Variants in PKIB observed in about 807,000 individuals in gnomAD.
The protein encoded by PKIB is PKI-beta.
A neutral mutation model predicts 4.5 loss-of-function variants in PKIB; 2 were observed. The observed-to-expected ratio is 0.44, with a 90% CI of 0.18 to 1.39. The LOEUF is 1.39. Ranked by LOEUF, PKIB falls within the 40% of genes most tolerant of loss-of-function variation. The pLI is 0.27. For synonymous variants in PKIB, 38 were observed against 36.0 expected (o/e 1.06, Z -0.20); for missense variants, 94 against 92.6 (o/e 1.02, Z -0.06).
intron 3 of PKIB, among the ~76,000 whole-genome samples, chr6:122,587,527 T>G (rs1773887390): frequency 6.6e-6 from 1 of 152,224 alleles, no homozygotes; most frequent in African/African-American, 2.4e-5. Flanking sequence ...TTTATAATCC[T>G]TTGGGTATAT....
intron 2 of PKIB, among the ~76,000 whole-genome samples, chr6:122,532,285 A>C (rs962589444): frequency 6.6e-6 from 1 of 152,224 alleles, no homozygotes; most frequent in Non-Finnish European, 1.5e-5. Context: ...TCAGCAAATT[A>C]GTTCTCTATC....
chr6:122,656,375 G>T (rs1776776371), intron 2 of PKIB, among the ~76,000 whole-genome samples: 1 of 152,108 alleles, frequency 6.6e-6, no homozygotes, highest in Admixed American at 6.6e-5. Flanking sequence ...CAGTTGAAAA[G>T]AATCAGTTCA....
chr6:122,598,263 A>T (rs1218117864), intron 3 of PKIB, among the ~76,000 whole-genome samples: 1 of 152,166 alleles, frequency 6.6e-6, no homozygotes, highest in Non-Finnish European at 1.5e-5. Context: ...CTGTTTGTAA[A>T]ATTTAAGTAG....
intron 4 of PKIB, among the ~76,000 whole-genome samples, chr6:122,719,597 A>G (rs1384316618): frequency 1.3e-5 from 2 of 152,158 alleles, no homozygotes; most frequent in African/African-American, 4.8e-5. Context: ...AATTACAATT[A>G]GACAGGAGAA....
chr6:122,480,942 C>T (rs574118108), intron 2 of PKIB: 1 of 151,916 alleles, frequency 6.6e-6, no homozygotes, highest in African/African-American at 2.4e-5. Context: ...TTTTAAAAAA[C>T]TTAATGTAGA....
intron 2 of PKIB, among the ~76,000 whole-genome samples, chr6:122,504,228 T>A (rs1582662587): frequency 6.6e-6 from 1 of 152,224 alleles, no homozygotes; most frequent in Non-Finnish European, 1.5e-5. Flanking sequence ...ATAATCTGAA[T>A]TATTTCCTTA....
At chr6:122,637,245 C>T (rs1248202515) in intron 2 of PKIB, among the ~76,000 whole-genome samples, 1 of 152,070 alleles carries the variant, frequency 6.6e-6, no homozygotes, top group African/African-American at 2.4e-5. Flanking sequence ...TAGCATGAAC[C>T]TAATAAATGT....
intron 1 of PKIB, among the ~76,000 whole-genome samples, chr6:122,473,484 T>C (rs922483179): frequency 8.5e-5 from 13 of 152,208 alleles, no homozygotes; most frequent in African/African-American, 2.4e-4. Context: ...ACACTTGGCC[T>C]TGAAATACAT....
intron 2 of PKIB, among the ~76,000 whole-genome samples, chr6:122,664,562 C>G (rs982492130): frequency 6.6e-6 from 1 of 152,098 alleles, no homozygotes; most frequent in African/African-American, 2.4e-5. Context: ...CAGGTGTGTG[C>G]CACCATGTCC....
chr6:122,716,477 T>C (rs1032277908), intron 3 of PKIB, among the ~76,000 whole-genome samples: 14 of 152,270 alleles, frequency 9.2e-5, no homozygotes, highest in Middle Eastern at 3.4e-3. Flanking sequence ...TCTCAAAACA[T>C]AGCTCTGTTC....
At chr6:122,578,175 G>A (rs924674797) in intron 2 of PKIB, among the ~76,000 whole-genome samples, 2 of 152,130 alleles carry the variant, frequency 1.3e-5, no homozygotes, top group African/African-American at 2.4e-5. Flanking sequence ...TTAAATGTGA[G>A]TAAAATGAGG....
At chr6:122,648,566 T>G (rs529466901) in intron 2 of PKIB, among the ~76,000 whole-genome samples, 1 of 152,174 alleles carries the variant, frequency 6.6e-6, no homozygotes, top group East Asian at 1.9e-4. Flanking sequence ...TTTCTTTGCT[T>G]CATTTGCTGT....
At chr6:122,698,227 G>C (rs1286732401) in intron 3 of PKIB, among the ~76,000 whole-genome samples, 1 of 152,044 alleles carries the variant, frequency 6.6e-6, no homozygotes, top group African/African-American at 2.4e-5. Context: ...GATCCCAGGG[G>C]GCTCTCCAGG....
At position 122,717,678 on chromosome 6, in the gene PKIB, A is replaced by G. The variant is rs892332879; in HGVS notation, c.-8-109A>G. 2.4e-5 allele frequency: 25 copies of G among 1,021,618 alleles called. No individual in the cohort carries two copies. The African/African-American group carries it at 3.6e-4, about 15-fold the overall frequency. The allele number at this position is 1,021,618 out of a possible 1,614,324, so 63.3% of individuals were successfully genotyped here. A position where few individuals can be genotyped will look rare whatever the true frequency, so the allele number is the denominator to read the frequency against. ...TTGATGAAGGTTGTGATCAATGATT[A>G]GACTCTCAAGCCTGTTGTGTTTTTG... On this transcript the variant is annotated intron_variant, in intron 3 of 4. Coordinates refer to ENST00000368452, the MANE Select transcript of PKIB (RefSeq NM_181795.3).
chr6:122,524,673 A>G (rs1488154585), intron 2 of PKIB, among the ~76,000 whole-genome samples: 1 of 151,964 alleles, frequency 6.6e-6, no homozygotes, highest in African/African-American at 2.4e-5. Context: ...TGGCCTGTTC[A>G]GATTTTCTAT....
chr6:122,512,711 T>C (rs1383414099), intron 2 of PKIB, among the ~76,000 whole-genome samples: 1 of 152,178 alleles, frequency 6.6e-6, no homozygotes, highest in Non-Finnish European at 1.5e-5. Flanking sequence ...ACTGAGACTG[T>C]TGTTTTTCTT....
At chr6:122,562,175 C>A (rs191536475) in intron 2 of PKIB, among the ~76,000 whole-genome samples, 9 of 151,072 alleles carry the variant, frequency 6.0e-5, no homozygotes, top group African/African-American at 2.2e-4. Flanking sequence ...TCTCAGCATT[C>A]GTTTGTCTGA....
intron 2 of PKIB, among the ~76,000 whole-genome samples, chr6:122,499,047 C>A (rs574897672): frequency 3.9e-4 from 59 of 152,254 alleles, no homozygotes; most frequent in African/African-American, 1.4e-3. Flanking sequence ...CCAATATCAA[C>A]TTCTAAAACT....
intron 3 of PKIB, 138 bp downstream of exon 3, chr6:122,675,282 A>T (rs1479479606): frequency 6.6e-6 from 1 of 152,442 alleles, no homozygotes; most frequent in East Asian, 1.9e-4. Flanking sequence ...AGTAATACAT[A>T]TGCAAAAATC....
Sources: gnomAD v4.1 joint callset for allele counts (sites outside exome capture counted in the v4.1 genomes callset) on GRCh38, gnomAD v4.1.1 for gene constraint, MANE v1.5 for transcripts, NCBI Gene and HGNC (gene_info 2026-07-23, HGNC 2026-07-21) for gene names.